The following CNTNAP2 variants were observed in gnomAD, a reference collection of about 807,000 sequenced individuals.
CNTNAP2 encodes the protein contactin associated protein 2.
Under a neutral mutation model 155.2 loss-of-function variants are expected in CNTNAP2, and 98 were observed. The observed-to-expected ratio is 0.63, with a 90% CI of 0.54 to 0.75. The LOEUF is 0.75. Among genes scored for constraint, CNTNAP2 ranks in the 30% least tolerant of loss-of-function variants. The pLI is 0.00. For synonymous variants in CNTNAP2, 651 were observed against 631.2 expected (o/e 1.03, Z -0.47); for missense variants, 1,727 against 1,688.1 (o/e 1.02, Z -0.40).
chr7:147,414,283 G>A (rs1797150393), intron 10 of CNTNAP2, among the ~76,000 whole-genome samples: 1 of 151,864 alleles, frequency 6.6e-6, no homozygotes, highest in African/African-American at 2.4e-5. Context: ...GATTAGCTGG[G>A]CTCTGTGGCA....
chr7:148,263,720 G>A (rs1796616385), intron 20 of CNTNAP2, among the ~76,000 whole-genome samples: 1 of 146,136 alleles, frequency 6.8e-6, no homozygotes, highest in Non-Finnish European at 1.5e-5. Context: ...CTGGGCGACA[G>A]AGCGAGACTC....
intron 15 of CNTNAP2, among the ~76,000 whole-genome samples, chr7:148,061,830 G>C (rs1448572683): frequency 7.7e-6 from 1 of 129,326 alleles, no homozygotes; most frequent in Non-Finnish European, 1.6e-5. Context: ...GTGTAGTCTA[G>C]ATACCTAGAT....
intron 1 of CNTNAP2, among the ~76,000 whole-genome samples, chr7:146,272,534 A>C (rs866431457): frequency 2.6e-5 from 4 of 152,212 alleles, no homozygotes; most frequent in Admixed American, 6.5e-5. Flanking sequence ...GTAGAAGTCC[A>C]AGCACGGCTT....
At chr7:147,438,655 G>A (rs186243599) in intron 10 of CNTNAP2, among the ~76,000 whole-genome samples, 139 of 152,034 alleles carry the variant, frequency 9.1e-4, no homozygotes, top group African/African-American at 2.8e-3. Context: ...AATAGTTTGA[G>A]TAGGACTGCT....
chr7:147,917,716 C>T (rs1800184010), intron 14 of CNTNAP2, among the ~76,000 whole-genome samples: 1 of 152,130 alleles, frequency 6.6e-6, no homozygotes, highest in Non-Finnish European at 1.5e-5. Context: ...GGAAAATGAG[C>T]ATTAAGGGGC....
intron 9 of CNTNAP2, among the ~76,000 whole-genome samples, chr7:147,345,218 G>T (rs1321838390): frequency 6.6e-6 from 1 of 151,988 alleles, no homozygotes; most frequent in Non-Finnish European, 1.5e-5. Flanking sequence ...TGAGTGGGTG[G>T]CATGTTAAAC....
chr7:146,360,131 C>T (rs749482238), intron 1 of CNTNAP2, among the ~76,000 whole-genome samples: 3 of 152,170 alleles, frequency 2.0e-5, no homozygotes, highest in South Asian at 2.1e-4. Flanking sequence ...GACCTACTTT[C>T]GAATGCCTGA....
intron 13 of CNTNAP2, among the ~76,000 whole-genome samples, chr7:147,735,904 G>A (rs1796834714): frequency 6.6e-6 from 1 of 150,928 alleles, no homozygotes; most frequent in Non-Finnish European, 1.5e-5. Flanking sequence ...TTTATTTTGA[G>A]CCTATGTGTG....
chr7:147,600,228 G>A (rs1800917685), intron 12 of CNTNAP2, among the ~76,000 whole-genome samples: 1 of 152,092 alleles, frequency 6.6e-6, no homozygotes, highest in Non-Finnish European at 1.5e-5. Flanking sequence ...TTTCATTCTA[G>A]GAGGCTTAAA....
chr7:146,645,353 C>T (rs1018613012), intron 1 of CNTNAP2, among the ~76,000 whole-genome samples: 7 of 152,132 alleles, frequency 4.6e-5, no homozygotes, highest in Non-Finnish European at 1.0e-4. Context: ...CTGGAGGGAA[C>T]TTAAATAACT....
intron 3 of CNTNAP2, among the ~76,000 whole-genome samples, chr7:146,941,540 A>G (rs75406490): frequency 0.01 from 1,549 of 152,246 alleles, 24 homozygotes; most frequent in African/African-American, 0.036. Context: ...CCATTATAGT[A>G]TGAAGATAGT....
At chr7:147,893,697 G>A (rs56265348) in intron 13 of CNTNAP2, among the ~76,000 whole-genome samples, 40,331 of 152,052 alleles carry the variant, frequency 0.27, 6,251 homozygotes, top group Middle Eastern at 0.41. Context: ...CCACCCGTGG[G>A]TGAAAAACAA....
chr7:148,117,692 CT>C (rs1404426051), intron 15 of CNTNAP2, among the ~76,000 whole-genome samples: 2 of 152,010 alleles, frequency 1.3e-5, no homozygotes, highest in East Asian at 3.9e-4. Context: ...ACCCCAGGGG[CT>C]TCTCCCAATT....
chr7:146,904,729 C>T (rs1796083677), intron 3 of CNTNAP2, among the ~76,000 whole-genome samples: 1 of 152,128 alleles, frequency 6.6e-6, no homozygotes, highest in Non-Finnish European at 1.5e-5. Flanking sequence ...CCTCGGCCTC[C>T]CAAAGTGCTG....
chr7:148,169,779 G>C (rs549694479), intron 17 of CNTNAP2, among the ~76,000 whole-genome samples: 12 of 152,188 alleles, frequency 7.9e-5, no homozygotes, highest in Non-Finnish European at 1.8e-4. Context: ...GGTTAACATG[G>C]TGAAACCCCA....
At chr7:146,906,765 G>C (rs1371621604) in intron 3 of CNTNAP2, among the ~76,000 whole-genome samples, 3 of 152,114 alleles carry the variant, frequency 2.0e-5, no homozygotes, top group African/African-American at 7.2e-5. Flanking sequence ...CCAAAGGAAC[G>C]CAGCTCCTCA....
chr7:146,675,678 T>G (rs1298323666), intron 1 of CNTNAP2, among the ~76,000 whole-genome samples: 2 of 152,182 alleles, frequency 1.3e-5, no homozygotes, highest in Non-Finnish European at 2.9e-5. Context: ...CATAGGAGCT[T>G]AATAAATGTT....
intron 16 of CNTNAP2, among the ~76,000 whole-genome samples, chr7:148,121,159 C>T (rs1585136897): frequency 1.3e-5 from 2 of 152,040 alleles, no homozygotes; most frequent in Admixed American, 6.5e-5. Flanking sequence ...CTCAGCCTCC[C>T]GAGTAGCTGG....
chr7:147,710,019 G>A (rs189238965), intron 13 of CNTNAP2, among the ~76,000 whole-genome samples: 1 of 152,174 alleles, frequency 6.6e-6, no homozygotes, highest in East Asian at 1.9e-4. Flanking sequence ...GGCAGAGATA[G>A]GCTACAGTTG....
Sources: allele counts gnomAD v4.1 joint callset (sites outside exome capture counted in the v4.1 genomes callset), GRCh38; gene constraint gnomAD v4.1.1; transcripts MANE v1.5; gene names NCBI Gene and HGNC (gene_info 2026-07-23, HGNC 2026-07-21).